Variants in HELZ observed in about 807,000 individuals in gnomAD.
HELZ encodes helicase with zinc finger, also known as ATP-dependent RNA helicase with zinc finger domain.
In HELZ, 23 loss-of-function variants were observed where a neutral mutation model predicts 218.2. That is an observed-to-expected ratio of 0.11 (90% confidence interval 0.08 to 0.15). HELZ has a LOEUF of 0.15. HELZ is among the 10% of genes least tolerant of loss of function. HELZ has a pLI of 1.00. For synonymous variants in HELZ, 814 were observed against 829.4 expected (o/e 0.98, Z 0.32); for missense variants, 1,813 against 2,353.7 (o/e 0.77, Z 4.75).
In HELZ at chr17:67,122,924, C is replaced by A. The variant is rs371533425; in HGVS notation, c.3630+46G>T. On this transcript the variant is annotated intron_variant, in intron 26 of 32. Transcript: ENST00000358691. ...TGGGATTAGAACCATTTTAGTGAAA[C>A]CTATTTTACTTGATTCAATAGAAAG... 3.6e-5 allele frequency: 50 copies of A among 1,384,720 alleles called. No homozygotes were observed. In the African/African-American group the frequency reaches 6.2e-4, roughly 17 times the overall value. The allele number at this position is 1,384,720 out of a possible 1,614,324, so 85.8% of individuals were successfully genotyped here. A position where few individuals can be genotyped will look rare whatever the true frequency, so the allele number is the denominator to read the frequency against.
intron 7 of HELZ, among the ~76,000 whole-genome samples, chr17:67,196,566 TTAGTTGGATGGATGGATGGA>T (rs1436592208): frequency 4.7e-5 from 7 of 150,162 alleles, no homozygotes; most frequent in African/African-American, 1.7e-4. Context: ...AGATGGTTGG[TTAGTTGGATGGATGGATGGA>T]TGGATGGATG....
At chr17:67,155,350 G>A (rs912156554) in intron 17 of HELZ, among the ~76,000 whole-genome samples, 2 of 152,142 alleles carry the variant, frequency 1.3e-5, no homozygotes, top group Non-Finnish European at 2.9e-5. Flanking sequence ...AAACAGCACT[G>A]ACAAATTATC....
At chr17:67,217,081 G>T (rs113776490) in intron 4 of HELZ, among the ~76,000 whole-genome samples, 9 of 151,960 alleles carry the variant, frequency 5.9e-5, no homozygotes, top group African/African-American at 1.7e-4. Flanking sequence ...AATTCCATAC[G>T]TGCATATCTG....
intron 32 of HELZ, among the ~76,000 whole-genome samples, chr17:67,083,334 C>T (rs1018147878): frequency 2.6e-5 from 4 of 152,002 alleles, no homozygotes; most frequent in African/African-American, 4.8e-5. Flanking sequence ...AGTCTTACAA[C>T]TAATATTTTT....
At chr17:67,237,988 CA>C (rs796850668) in intron 3 of HELZ, among the ~76,000 whole-genome samples, 10,093 of 87,010 alleles carry the variant, frequency 0.12, 1,173 homozygotes, top group African/African-American at 0.33. Flanking sequence ...GACTCCATCT[CA>C]AAAAAAAAAA....
At chr17:67,131,920 A>G (rs986194291) in intron 23 of HELZ, among the ~76,000 whole-genome samples, 3 of 152,206 alleles carry the variant, frequency 2.0e-5, no homozygotes, top group African/African-American at 7.2e-5. Flanking sequence ...CTGAATACAG[A>G]TAATTGACAG....
chr17:67,157,297 G>C (rs985273682), intron 17 of HELZ, among the ~76,000 whole-genome samples: 1 of 151,022 alleles, frequency 6.6e-6, no homozygotes, highest in African/African-American at 2.5e-5. Flanking sequence ...TCCTCAAAGA[G>C]GGGGGAAAAA....
At chr17:67,103,645 A>T (rs2036997232) in intron 31 of HELZ, among the ~76,000 whole-genome samples, 1 of 152,252 alleles carries the variant, frequency 6.6e-6, no homozygotes, top group Non-Finnish European at 1.5e-5. Flanking sequence ...AAGACTTAAT[A>T]TTGTTAAGGT....
chr17:67,123,067 G>A lies in HELZ; in HGVS notation c.3533C>T (p.Pro1178Leu), dbSNP rs778881194. The change falls in exon 26 of 33, where the codon CCA becomes CTA. Residue 1178 changes from proline to leucine, a missense_variant. Coordinates refer to ENST00000358691, the MANE Select transcript of HELZ (RefSeq NM_014877.4). The part of the protein sequence containing the change: ...LGPHPNLGKS[P>L]SPVQRIDPHT... ...AGGATCTATTCTTTGAACAGGGCTT[G>A]GAGATTTTCCCAAATTTGGGTGAGG... 1.9e-6 allele frequency: 3 copies of A among 1,613,072 alleles called. No homozygotes were observed. The African/African-American group carries it at 4.0e-5, about 22-fold the overall frequency.
At chr17:67,082,906 G>C (rs1322525784) in intron 32 of HELZ, among the ~76,000 whole-genome samples, 2 of 149,114 alleles carry the variant, frequency 1.3e-5, no homozygotes, top group East Asian at 3.9e-4. Flanking sequence ...GCCCAGGCTG[G>C]AGTGCAGTGG....
rs1429991663 is a variant in HELZ at position 67,108,291 on chromosome 17, C to T, written c.4724+201G>A. On this transcript the variant is annotated intron_variant, in intron 30 of 32. Transcript: ENST00000358691. The surrounding 1 kb of genome is among the most constrained non-coding windows in gnomAD (Gnocchi z 4.1). ...TCCAACCCATAGTAGATCATCCATG[C>T]CTAAATTTGTAGAAGAGTTACTTCT... 3.7e-6 allele frequency: 2 copies of T among 544,930 alleles called. No individual in the cohort carries two copies. Among genetic ancestry groups the T allele is most frequent in the African/African-American group, 3.8e-5 (2 of 53,082 alleles). The allele number at this position is 544,930 out of a possible 1,614,324, so 33.8% of individuals were successfully genotyped here.
chr17:67,182,519 C>A (rs1376370998), intron 12 of HELZ, among the ~76,000 whole-genome samples: 1 of 152,164 alleles, frequency 6.6e-6, no homozygotes, highest in Non-Finnish European at 1.5e-5. Context: ...TTAACTTTAA[C>A]AGTGACTTAT....
intron 3 of HELZ, chr17:67,225,473 C>T (rs2040864892): frequency 6.5e-6 from 1 of 153,672 alleles, no homozygotes; most frequent in Admixed American, 6.5e-5. Context: ...CCCAAAAGCA[C>T]CAAATGTGAC....
chr17:67,082,911 C>A (rs1012315443), intron 32 of HELZ, among the ~76,000 whole-genome samples: 9 of 142,026 alleles, frequency 6.3e-5, no homozygotes, highest in Middle Eastern at 3.9e-3. Flanking sequence ...GGCTGGAGTG[C>A]AGTGGTGTGA....
chr17:67,240,683 A>T (rs1309338494), intron 2 of HELZ, among the ~76,000 whole-genome samples: 1 of 152,222 alleles, frequency 6.6e-6, no homozygotes, highest in Non-Finnish European at 1.5e-5. Context: ...GTCAACAAAG[A>T]TGCCATGCAT....
chr17:67,221,088 A>G (rs942082272), intron 3 of HELZ, among the ~76,000 whole-genome samples: 6 of 152,192 alleles, frequency 3.9e-5, no homozygotes, highest in African/African-American at 1.4e-4. Context: ...AATGTTGCCC[A>G]TTAGACAAAG....
intron 17 of HELZ, 24 bp downstream of exon 17, chr17:67,160,233 GATAC>G: frequency 1.6e-6 from 2 of 1,256,368 alleles, no homozygotes; most frequent in African/African-American, 1.5e-5. Flanking sequence ...GTATGATACA[GATAC>G]ATAATAAGCC....
chr17:67,117,412 T>G (rs908459094), intron 27 of HELZ, among the ~76,000 whole-genome samples: 1 of 152,160 alleles, frequency 6.6e-6, no homozygotes, highest in Non-Finnish European at 1.5e-5. Context: ...GGAAGCATAC[T>G]GAACTAAATG....
chr17:67,151,048 G>A lies in HELZ; in HGVS notation c.2354C>T (p.Pro785Leu), dbSNP rs143222880. Reference protein sequence around the residue: ...SQYLCQLDLEPGFFTHILLDE... With the variant: ...SQYLCQLDLELGFFTHILLDE... ...GACTGTGTCTTGAGTCAGCATACCA[G>A]GTTCAAGGTCCAACTGACAGAGGTA... The change falls in exon 18 of 33, where the codon CCT becomes CTT. Residue 785 changes from proline (P) to leucine (L), a missense_variant and splice_region_variant. Coordinates refer to ENST00000358691, the MANE Select transcript of HELZ (RefSeq NM_014877.4). 820 of 1,613,146 alleles carry A rather than the reference G, an allele frequency of 5.1e-4. 4 individuals carry two copies. The African/African-American group carries it at 9.8e-3, about 19-fold the overall frequency.
Sources: allele counts gnomAD v4.1 joint callset (sites outside exome capture counted in the v4.1 genomes callset), GRCh38; gene constraint gnomAD v4.1.1; non-coding constraint Gnocchi (gnomAD v3.1); transcripts MANE v1.5; gene names NCBI Gene and HGNC (gene_info 2026-07-23, HGNC 2026-07-21).